The following STK3 variants were observed in gnomAD, a reference collection of about 807,000 sequenced individuals.
The protein encoded by STK3 is serine/threonine-protein kinase 3.
A neutral mutation model predicts 58.0 loss-of-function variants in STK3; 41 were observed. That is an observed-to-expected ratio of 0.71 (90% CI 0.55 to 0.92). The LOEUF (loss-of-function observed/expected upper bound fraction) is 0.92, where lower values mean the gene tolerates loss of function less well. Among genes scored for constraint, STK3 ranks in the 40% least tolerant of loss-of-function variants. STK3 has a pLI of 0.00. For missense variants in STK3, 479 were observed against 602.7 expected, an observed-to-expected ratio of 0.79 and a Z score of 2.15; for synonymous variants, 170 against 191.0, an observed-to-expected ratio of 0.89 and a Z score of 0.91.
chr8:98,726,869 A>C (rs1827831020), intron 4 of STK3, among the ~76,000 whole-genome samples: 3 of 152,336 alleles, frequency 2.0e-5, no homozygotes, highest in Admixed American at 6.5e-5. Flanking sequence ...GATGGGACCC[A>C]AAAGCTTTGA....
chr8:98,501,761 T>C (rs893477678), intron 10 of STK3, among the ~76,000 whole-genome samples: 1 of 152,250 alleles, frequency 6.6e-6, no homozygotes, highest in African/African-American at 2.4e-5. Context: ...TCCATTGGTC[T>C]ATTTCTCTGT....
chr8:98,532,095 C>A (rs755235812), intron 9 of STK3, among the ~76,000 whole-genome samples: 1 of 152,212 alleles, frequency 6.6e-6, no homozygotes, highest in East Asian at 1.9e-4. Flanking sequence ...AGAAGTTTTT[C>A]TTTGCATTCA....
At chr8:98,430,586 T>C (rs1818312484) in intron 3 of STK3, 1 of 167,016 alleles carries the variant, frequency 6.0e-6, no homozygotes, top group African/African-American at 2.4e-5. Flanking sequence ...TATGATGCTG[T>C]GATTGCCCTG....
intron 4 of STK3, among the ~76,000 whole-genome samples, chr8:98,720,188 G>A (rs1354669721): frequency 2.0e-5 from 3 of 152,074 alleles, no homozygotes; most frequent in Admixed American, 6.5e-5. Context: ...TTTCTAGAAC[G>A]TAAAGGCATA....
intron 7 of STK3, among the ~76,000 whole-genome samples, chr8:98,588,514 C>A (rs1814898558): frequency 6.6e-6 from 1 of 151,882 alleles, no homozygotes; most frequent in African/African-American, 2.4e-5. Context: ...CGACCTTTCT[C>A]TCTGGCTGCC....
intron 8 of STK3, among the ~76,000 whole-genome samples, chr8:98,548,793 C>CCA (rs1810931265): frequency 1.3e-5 from 2 of 151,978 alleles, no homozygotes; most frequent in Non-Finnish European, 2.9e-5. Context: ...TTCATGAGTA[C>CCA]TACTATTCAT....
chr8:98,557,381 C>T (rs1811679333), intron 8 of STK3, among the ~76,000 whole-genome samples: 1 of 152,054 alleles, frequency 6.6e-6, no homozygotes, highest in Non-Finnish European at 1.5e-5. Flanking sequence ...ACCAACAGAG[C>T]ATTACCTTGA....
chr8:98,727,951 T>C (rs1827899813), intron 4 of STK3, among the ~76,000 whole-genome samples: 1 of 152,250 alleles, frequency 6.6e-6, no homozygotes, highest in Non-Finnish European at 1.5e-5. Flanking sequence ...TTGGTGAATA[T>C]GTAGCAATTT....
At chr8:98,400,123 T>A (rs2131024690), downstream of STK3, among the ~76,000 whole-genome samples, 1 of 152,160 alleles carries the variant, frequency 6.6e-6, no homozygotes, top group African/African-American at 2.4e-5. Context: ...GGATTCCAGG[T>A]CTGACTGTAG....
At chr8:98,621,167 C>G (rs1244933420) in intron 6 of STK3, among the ~76,000 whole-genome samples, 2 of 152,214 alleles carry the variant, frequency 1.3e-5, no homozygotes, top group Admixed American at 1.3e-4. Context: ...GTCTCGATCT[C>G]CTGACCTCGT....
intron 3 of STK3, among the ~76,000 whole-genome samples, chr8:98,837,837 T>A (rs1287828430): frequency 6.6e-6 from 1 of 152,048 alleles, no homozygotes; most frequent in Non-Finnish European, 1.5e-5. Flanking sequence ...GAAGCTGACA[T>A]GGAAGGATCA....
chr8:98,405,015 A>C (rs1817979869), intron 3 of STK3, among the ~76,000 whole-genome samples: 1 of 152,218 alleles, frequency 6.6e-6, no homozygotes, highest in African/African-American at 2.4e-5. Context: ...CTCATTGTCC[A>C]ATCATGCCTC....
At chr8:98,403,619 C>T (rs1817965625) in intron 3 of STK3, among the ~76,000 whole-genome samples, 1 of 147,370 alleles carries the variant, frequency 6.8e-6, no homozygotes, top group African/African-American at 2.4e-5. Flanking sequence ...GAGGGCTGCC[C>T]CTGGGGAGGG....
At chr8:98,653,206 A>G (rs1008260484) in intron 6 of STK3, among the ~76,000 whole-genome samples, 8 of 152,206 alleles carry the variant, frequency 5.3e-5, no homozygotes, top group Non-Finnish European at 1.0e-4. Flanking sequence ...CTACATGGAA[A>G]CTGAACAACC....
intron 1 of STK3, among the ~76,000 whole-genome samples, chr8:98,913,813 G>A (rs916428929): frequency 6.6e-6 from 1 of 152,240 alleles, no homozygotes; most frequent in East Asian, 1.9e-4. Context: ...CAAGGCAATT[G>A]CCTCTGGCAG....
At chr8:98,685,444 T>C (rs1344281246) in intron 6 of STK3, among the ~76,000 whole-genome samples, 1 of 152,166 alleles carries the variant, frequency 6.6e-6, no homozygotes, top group African/African-American at 2.4e-5. Flanking sequence ...AGTTGAGACC[T>C]GTTTATTCTC....
At chr8:98,656,206 A>G (rs1381876789) in intron 6 of STK3, among the ~76,000 whole-genome samples, 19 of 152,276 alleles carry the variant, frequency 1.2e-4, no homozygotes, top group Non-Finnish European at 1.5e-5. Flanking sequence ...GAAATTGGAA[A>G]TCATCATTCT....
At chr8:98,882,900 T>C (rs1837850788), downstream of STK3, 1 of 152,218 alleles carries the variant, frequency 6.6e-6, no homozygotes, top group African/African-American at 2.4e-5. Flanking sequence ...GGTTTTACTC[T>C]CAGAAATAAG....
At chr8:98,411,195 T>C (rs1052131535) in intron 3 of STK3, among the ~76,000 whole-genome samples, 2 of 152,190 alleles carry the variant, frequency 1.3e-5, no homozygotes, top group Non-Finnish European at 2.9e-5. Context: ...AAAATGAAGA[T>C]TTGGAGATGG....
Sources: allele counts gnomAD v4.1 joint callset (sites outside exome capture counted in the v4.1 genomes callset), GRCh38; gene constraint gnomAD v4.1.1; transcripts MANE v1.5; gene names NCBI Gene and HGNC (gene_info 2026-07-23, HGNC 2026-07-21).